SUPT3H: variants seen among roughly 807,000 people sequenced by gnomAD.
SUPT3H encodes the protein transcription initiation protein SPT3 homolog.
In SUPT3H, 44 loss-of-function variants were observed where a neutral mutation model predicts 44.3. The ratio of observed to expected loss-of-function variants is 0.99; its 90% CI spans 0.78 to 1.28. The LOEUF (loss-of-function observed/expected upper bound fraction) is 1.28, where lower values mean the gene tolerates loss of function less well. Ranked by LOEUF, SUPT3H falls within the 50% of genes most tolerant of loss-of-function variation. The pLI, the probability that SUPT3H is intolerant of heterozygous loss-of-function variation, is 0.00. For synonymous variants in SUPT3H, 124 were observed against 125.6 expected, an observed-to-expected ratio of 0.99 and a Z score of 0.09; for missense variants, 380 against 387.1, an observed-to-expected ratio of 0.98 and a Z score of 0.15.
At chr6:45,098,993 A>G (rs528327225) in intron 3 of SUPT3H, 18 of 404,648 alleles carry the variant, frequency 4.4e-5, no homozygotes, top group South Asian at 3.3e-4. Context: ...AGCCTATTCC[A>G]GCACTGCCAT....
intron 2 of SUPT3H, among the ~76,000 whole-genome samples, chr6:45,324,070 CAT>C (rs1439116388): frequency 2.0e-5 from 3 of 151,988 alleles, no homozygotes; most frequent in African/African-American, 7.2e-5. Flanking sequence ...CCTCAGCTGT[CAT>C]ATGAGCATGT....
chr6:45,050,626 T>G (rs1790132214), intron 3 of SUPT3H, among the ~76,000 whole-genome samples: 1 of 152,158 alleles, frequency 6.6e-6, no homozygotes, highest in African/African-American at 2.4e-5. Flanking sequence ...ATATATTTGA[T>G]ATTAATTTTG....
intron 2 of SUPT3H, among the ~76,000 whole-genome samples, chr6:45,177,158 T>G (rs1023706675): frequency 2.6e-5 from 4 of 152,048 alleles, no homozygotes; most frequent in East Asian, 1.9e-4. Context: ...GGCAAAGAAG[T>G]TGAAAACTTT....
chr6:44,922,322 G>A (rs1402459829), intron 10 of SUPT3H, among the ~76,000 whole-genome samples: 4 of 152,166 alleles, frequency 2.6e-5, no homozygotes, highest in African/African-American at 9.7e-5. Flanking sequence ...ATAAGAGTAA[G>A]GTATCAGTTT....
intron 6 of SUPT3H, among the ~76,000 whole-genome samples, chr6:44,964,738 A>G (rs1776545495): frequency 6.6e-6 from 1 of 152,198 alleles, no homozygotes; most frequent in Non-Finnish European, 1.5e-5. Context: ...CCTAGGGTAT[A>G]TATAAGAAGC....
At chr6:45,327,659 C>A (rs1189084118) in intron 2 of SUPT3H, among the ~76,000 whole-genome samples, 1 of 151,712 alleles carries the variant, frequency 6.6e-6, no homozygotes, top group East Asian at 1.9e-4. Context: ...AAAGAATGCC[C>A]AGACTAACAC....
At chr6:44,965,772 C>T (rs1776695121) in intron 6 of SUPT3H, among the ~76,000 whole-genome samples, 1 of 152,130 alleles carries the variant, frequency 6.6e-6, no homozygotes, top group Non-Finnish European at 1.5e-5. Flanking sequence ...TTTCTCCTGT[C>T]CTTCCACTAT....
chr6:44,945,447 T>C (rs1323125924), intron 9 of SUPT3H, among the ~76,000 whole-genome samples: 1 of 152,180 alleles, frequency 6.6e-6, no homozygotes, highest in Non-Finnish European at 1.5e-5. Context: ...TTGCCCCAAA[T>C]AGCCAAGCTG....
chr6:44,941,904 A>G (rs1356054798), intron 9 of SUPT3H, among the ~76,000 whole-genome samples: 3 of 152,180 alleles, frequency 2.0e-5, no homozygotes, highest in Non-Finnish European at 2.9e-5. Flanking sequence ...AAAGAAGTGT[A>G]TAAATGAGTA....
chr6:44,936,693 C>T (rs1457429236), intron 9 of SUPT3H, among the ~76,000 whole-genome samples: 3 of 152,064 alleles, frequency 2.0e-5, no homozygotes, highest in Non-Finnish European at 4.4e-5. Context: ...TTTGAGACAG[C>T]GTCTTGCTCT....
At chr6:44,989,025 AAC>A (rs1780232363) in intron 6 of SUPT3H, among the ~76,000 whole-genome samples, 2 of 152,164 alleles carry the variant, frequency 1.3e-5, no homozygotes, top group Admixed American at 1.3e-4. Context: ...TTCTTTGAAT[AAC>A]ACACATTTGG....
chr6:44,974,359 G>A (rs534736816), intron 6 of SUPT3H, among the ~76,000 whole-genome samples: 5 of 151,928 alleles, frequency 3.3e-5, no homozygotes, highest in African/African-American at 9.7e-5. Context: ...ATACCTTATG[G>A]AACCCTCATA....
At chr6:45,117,249 C>A (rs1434106663) in intron 2 of SUPT3H, among the ~76,000 whole-genome samples, 1 of 152,106 alleles carries the variant, frequency 6.6e-6, no homozygotes, top group Non-Finnish European at 1.5e-5. Context: ...ATAATCAACA[C>A]TTTGTGGGCT....
intron 2 of SUPT3H, among the ~76,000 whole-genome samples, chr6:45,176,244 G>A (rs945065841): frequency 4.0e-5 from 6 of 151,848 alleles, no homozygotes; most frequent in Non-Finnish European, 7.4e-5. Context: ...GAAGCAGGGC[G>A]AGGCATTGCC....
chr6:44,901,097 ACT>A (rs1409741897), intron 10 of SUPT3H, among the ~76,000 whole-genome samples: 2 of 152,160 alleles, frequency 1.3e-5, no homozygotes, highest in Admixed American at 6.6e-5. Flanking sequence ...AAAACTGGAA[ACT>A]CTAAAAATCA....
intron 2 of SUPT3H, among the ~76,000 whole-genome samples, chr6:45,352,270 T>C (rs1269537888): frequency 1.3e-5 from 2 of 152,140 alleles, no homozygotes; most frequent in Admixed American, 6.6e-5. Context: ...ATAAAAAATA[T>C]GAACCAAGGA....
intron 10 of SUPT3H, among the ~76,000 whole-genome samples, chr6:44,859,451 T>C (rs1454347554): frequency 6.6e-6 from 1 of 152,182 alleles, no homozygotes; most frequent in Non-Finnish European, 1.5e-5. Flanking sequence ...ATAGCAAGTT[T>C]TCTTTTTCTC....
chr6:45,303,577 T>G (rs1380132401), intron 2 of SUPT3H, among the ~76,000 whole-genome samples: 1 of 151,766 alleles, frequency 6.6e-6, no homozygotes, highest in Non-Finnish European at 1.5e-5. Context: ...GTTTCTCGTT[T>G]CTGTTTTCTT....
intron 3 of SUPT3H, among the ~76,000 whole-genome samples, chr6:45,102,832 C>T (rs2153569663): frequency 6.6e-6 from 1 of 151,820 alleles, no homozygotes; most frequent in South Asian, 2.1e-4. Flanking sequence ...CTCAGCTACT[C>T]AAGAGACTGA....
Sources: gnomAD v4.1 joint callset for allele counts (sites outside exome capture counted in the v4.1 genomes callset) on GRCh38, gnomAD v4.1.1 for gene constraint, MANE v1.5 for transcripts, NCBI Gene and HGNC (gene_info 2026-07-23, HGNC 2026-07-21) for gene names.